ATP8A1: variants seen among roughly 807,000 people sequenced by gnomAD.
The protein encoded by ATP8A1 is phospholipid-transporting ATPase IA.
Under a neutral mutation model 177.7 loss-of-function variants are expected in ATP8A1, and 90 were observed. The ratio of observed to expected loss-of-function variants is 0.51; its 90% CI spans 0.43 to 0.60. The LOEUF (loss-of-function observed/expected upper bound fraction) is 0.60, where lower values mean the gene tolerates loss of function less well. Among genes scored for constraint, ATP8A1 ranks in the 20% least tolerant of loss-of-function variants. The pLI, the probability that ATP8A1 is intolerant of heterozygous loss-of-function variation, is 0.00. For synonymous variants in ATP8A1, 493 were observed against 485.9 expected (o/e 1.01, Z -0.19); for missense variants, 1,072 against 1,392.8 (o/e 0.77, Z 3.67).
chr4:42,542,245 C>T (rs1291943926), intron 20 of ATP8A1, among the ~76,000 whole-genome samples: 3 of 152,000 alleles, frequency 2.0e-5, no homozygotes, highest in African/African-American at 7.2e-5. Context: ...AAAATATATG[C>T]AAGCTAATTC....
At chr4:42,605,324 A>T (rs1735686588) in intron 5 of ATP8A1, among the ~76,000 whole-genome samples, 1 of 152,220 alleles carries the variant, frequency 6.6e-6, no homozygotes, top group African/African-American at 2.4e-5. Context: ...AGAGGCACTA[A>T]CACAAACTGT....
At chr4:42,517,681 T>C (rs1236706821) in intron 22 of ATP8A1, among the ~76,000 whole-genome samples, 1 of 152,012 alleles carries the variant, frequency 6.6e-6, no homozygotes. Flanking sequence ...AAAGAAAAAA[T>C]AAACAAAATA....
intron 9 of ATP8A1, among the ~76,000 whole-genome samples, chr4:42,583,526 A>G (rs1198571371): frequency 6.6e-6 from 1 of 152,190 alleles, no homozygotes; most frequent in Non-Finnish European, 1.5e-5. Flanking sequence ...GGTGGTGTGG[A>G]TTGACCGGAA....
intron 1 of ATP8A1, among the ~76,000 whole-genome samples, chr4:42,633,658 A>G (rs1560542700): frequency 6.6e-6 from 1 of 152,226 alleles, no homozygotes; most frequent in African/African-American, 2.4e-5. Flanking sequence ...TAATAGAACT[A>G]ATAACAGTAT....
intron 20 of ATP8A1, among the ~76,000 whole-genome samples, chr4:42,539,232 A>T (rs575010203): frequency 1.3e-4 from 20 of 152,050 alleles, no homozygotes; most frequent in African/African-American, 4.3e-4. Flanking sequence ...CGAGAATGAT[A>T]CAACATACTT....
chr4:42,448,223 T>C (rs139322520), intron 30 of ATP8A1, among the ~76,000 whole-genome samples: 1 of 152,226 alleles, frequency 6.6e-6, no homozygotes, highest in East Asian at 1.9e-4. Flanking sequence ...TCTGGCTTAA[T>C]AGAAAGCAGC....
At chr4:42,580,399 G>A (rs932675645) in intron 10 of ATP8A1, among the ~76,000 whole-genome samples, 1 of 152,200 alleles carries the variant, frequency 6.6e-6, no homozygotes, top group Admixed American at 6.5e-5. Context: ...TTTGAACATA[G>A]GAAGGCAACA....
At chr4:42,436,905 C>T (rs1174220835) in intron 33 of ATP8A1, among the ~76,000 whole-genome samples, 1 of 152,182 alleles carries the variant, frequency 6.6e-6, no homozygotes, top group Admixed American at 6.5e-5. Flanking sequence ...GGCAACAGCA[C>T]AATTTAGGAA....
At chr4:42,633,317 A>G (rs974896182) in intron 1 of ATP8A1, among the ~76,000 whole-genome samples, 2 of 152,240 alleles carry the variant, frequency 1.3e-5, no homozygotes, top group African/African-American at 2.4e-5. Flanking sequence ...GCTCAATAGT[A>G]TAAGTGAAAG....
At chr4:42,548,265 C>T (rs1729126251) in intron 19 of ATP8A1, among the ~76,000 whole-genome samples, 1 of 152,144 alleles carries the variant, frequency 6.6e-6, no homozygotes, top group African/African-American at 2.4e-5. Flanking sequence ...TGCCGGCTTC[C>T]TGATCCCGAC....
chr4:42,433,469 T>C (rs1715534086), intron 33 of ATP8A1, among the ~76,000 whole-genome samples: 1 of 152,172 alleles, frequency 6.6e-6, no homozygotes. Flanking sequence ...TTGAACTGAA[T>C]TGGGCTCTTA....
Position 42,411,650 on chromosome 4 carries a change from T to G in ATP8A1, c.*1266A>C, listed in dbSNP as rs1401952083. ...AAATAATTGAACTGAAGATACATTT[T>G]AAAACATACTAACAAAAGCTACTCA... On this transcript the variant is annotated 3_prime_UTR_variant, in exon 37 of 37. Coordinates refer to ENST00000381668, the MANE Select transcript of ATP8A1 (RefSeq NM_006095.2). 1 of 152,194 alleles carries G rather than the reference T, an allele frequency of 6.6e-6. No homozygotes were observed. The highest frequency in any genetic ancestry group is 1.5e-5 in the Non-Finnish European group (1 of 68,018). 9.4% of individuals were successfully genotyped at this position (152,194 alleles called of 1,614,324 possible). A position where few individuals can be genotyped will look rare whatever the true frequency, so the allele number is the denominator to read the frequency against.
At chr4:42,421,028 A>G (rs533457076) in intron 35 of ATP8A1, among the ~76,000 whole-genome samples, 1 of 152,204 alleles carries the variant, frequency 6.6e-6, no homozygotes, top group African/African-American at 2.4e-5. Context: ...TCGGCCTCCC[A>G]AAGTGCTGGG....
At chr4:42,643,870 G>T (rs1248757236) in intron 1 of ATP8A1, among the ~76,000 whole-genome samples, 1 of 152,192 alleles carries the variant, frequency 6.6e-6, no homozygotes, top group Non-Finnish European at 1.5e-5. Flanking sequence ...ATCACTCCAG[G>T]CCTACAGGAA....
intron 1 of ATP8A1, among the ~76,000 whole-genome samples, chr4:42,629,311 G>A (rs1049826338): frequency 3.3e-5 from 5 of 152,236 alleles, no homozygotes; most frequent in Non-Finnish European, 7.3e-5. Context: ...TAGGACCATC[G>A]AAGAGACTGG....
rs972135429 is a variant in ATP8A1 at position 42,409,082 on chromosome 4, A to T, written c.*3834T>A. On this transcript the variant is annotated 3_prime_UTR_variant, in exon 37 of 37. Coordinates refer to ENST00000381668, the MANE Select transcript of ATP8A1 (RefSeq NM_006095.2). ...ATTAAAAAAGTTGTGCAGAGGACCA[A>T]TTAATTTGTCTACTGAATTTTAAAT... The T allele has an allele frequency of 1.3e-5, 2 of 152,174 alleles. No individual in the cohort carries two copies. Among genetic ancestry groups the T allele is most frequent in the Non-Finnish European group, 1.5e-5 (1 of 68,004 alleles). 9.4% of individuals were successfully genotyped at this position (152,174 alleles called of 1,614,324 possible).
chr4:42,520,756 G>A (rs893825984), intron 22 of ATP8A1, among the ~76,000 whole-genome samples: 2 of 152,058 alleles, frequency 1.3e-5, no homozygotes, highest in South Asian at 4.1e-4. Context: ...GAGATATCTA[G>A]ATATATCTAC....
chr4:42,618,896 GCT>G (rs1179341702), intron 4 of ATP8A1, among the ~76,000 whole-genome samples: 18 of 152,120 alleles, frequency 1.2e-4, no homozygotes, highest in Admixed American at 2.6e-4. Flanking sequence ...CTGCACAAAT[GCT>G]CTGTTCTCCT....
At chr4:42,548,964 T>C in intron 19 of ATP8A1, 49 bp downstream of exon 19, 1 of 1,407,550 alleles carries the variant, frequency 7.1e-7, no homozygotes, top group Non-Finnish European at 9.8e-7. Context: ...AAAATAAAAA[T>C]GGATATAAAT....
Sources: allele counts gnomAD v4.1 joint callset (sites outside exome capture counted in the v4.1 genomes callset), GRCh38; gene constraint gnomAD v4.1.1; transcripts MANE v1.5; gene names NCBI Gene and HGNC (gene_info 2026-07-23, HGNC 2026-07-21).